Variants in ATP10B observed in about 807,000 individuals in gnomAD.
The protein encoded by ATP10B is ATPase phospholipid transporting 10B (putative).
ATP10B carries 122 observed loss-of-function variants against 141.2 expected under a neutral mutation model. The ratio of observed to expected loss-of-function variants is 0.86; its 90% CI spans 0.75 to 1.00. ATP10B has a LOEUF of 1.00. ATP10B is among the 50% of genes least tolerant of loss of function. The probability of loss-of-function intolerance (pLI) is 0.00; values close to 1 mark genes in which losing one functional copy is unlikely to be tolerated. For synonymous variants in ATP10B, 685 were observed against 692.0 expected, an observed-to-expected ratio of 0.99 and a Z score of 0.16; for missense variants, 1,876 against 1,825.3, an observed-to-expected ratio of 1.03 and a Z score of -0.51.
intron 2 of ATP10B, among the ~76,000 whole-genome samples, chr5:160,749,041 C>T (rs779150751): frequency 2.0e-5 from 3 of 152,180 alleles, no homozygotes; most frequent in Non-Finnish European, 4.4e-5. Flanking sequence ...AACACCACAA[C>T]CTAGTAAATG....
intron 6 of ATP10B, chr5:160,684,763 A>G: frequency 1.6e-6 from 1 of 616,528 alleles, no homozygotes; most frequent in Non-Finnish European, 2.9e-6. Flanking sequence ...TTCTACAAAC[A>G]GTAACTGCAG....
chr5:160,594,756 A>C (rs1756564229), intron 22 of ATP10B, among the ~76,000 whole-genome samples: 1 of 151,868 alleles, frequency 6.6e-6, no homozygotes, highest in Non-Finnish European at 1.5e-5. Flanking sequence ...CTGATAAAAC[A>C]GACTTTAAAC....
At chr5:160,913,750 T>C in the ATP10B span, among the ~76,000 whole-genome samples, 1 of 152,188 alleles carries the variant, frequency 6.6e-6, no homozygotes, top group African/African-American at 2.4e-5. Context: ...CTCGCACTGA[T>C]AACAATGAGT....
the ATP10B span, among the ~76,000 whole-genome samples, chr5:160,927,752 A>G: frequency 6.6e-6 from 1 of 152,222 alleles, no homozygotes; most frequent in Non-Finnish European, 1.5e-5. Flanking sequence ...CTCTACACTC[A>G]TGGGACTTTT....
chr5:160,922,210 T>C, the ATP10B span, among the ~76,000 whole-genome samples: 3 of 152,102 alleles, frequency 2.0e-5, no homozygotes, highest in African/African-American at 7.2e-5. Flanking sequence ...GGGCTCAGGA[T>C]TGGGAGTCCA....
At chr5:160,907,393 T>C in the ATP10B span, among the ~76,000 whole-genome samples, 1 of 151,958 alleles carries the variant, frequency 6.6e-6, no homozygotes, top group East Asian at 1.9e-4. Flanking sequence ...CAATTTTTTT[T>C]TGAGATAGGT....
At chr5:160,709,687 C>A (rs1313606774) in intron 3 of ATP10B, among the ~76,000 whole-genome samples, 2 of 135,548 alleles carry the variant, frequency 1.5e-5, no homozygotes, top group Non-Finnish European at 3.1e-5. Flanking sequence ...TATACATGTG[C>A]CATGCTGGTG....
Position 160,616,487 on chromosome 5 carries a change from T to C in ATP10B, c.2527-523A>G, listed in dbSNP as rs143791393. 1.3e-3 allele frequency among the ~76,000 whole-genome samples: 200 copies of C among 152,276 alleles called. 2 individuals carry two copies. Among genetic ancestry groups the C allele is most frequent in the African/African-American group, 4.6e-3 (190 of 41,558 alleles). On this transcript the variant is annotated intron_variant, in intron 16 of 25. Transcript: ENST00000327245. ...ATGAACTTGGCCTTCCTTCTGTTCC[T>C]TGAATGAAAGACGGAGAAAGTTCAG...
At chr5:160,823,014 A>ATATATATATATATG (rs1774277807) in intron 1 of ATP10B, among the ~76,000 whole-genome samples, 6 of 117,838 alleles carry the variant, frequency 5.1e-5, no homozygotes, top group Non-Finnish European at 1.1e-4. Flanking sequence ...ATATATATAT[A>ATATATATATATATG]TATATATATA....
chr5:160,865,958 G>A, the ATP10B span, among the ~76,000 whole-genome samples: 4 of 152,174 alleles, frequency 2.6e-5, no homozygotes, highest in South Asian at 4.1e-4. Flanking sequence ...CTTTTACACC[G>A]ATGGTGGGAA....
At chr5:160,784,887 A>C (rs1391550008) in intron 2 of ATP10B, among the ~76,000 whole-genome samples, 1 of 152,024 alleles carries the variant, frequency 6.6e-6, no homozygotes, top group Non-Finnish European at 1.5e-5. Flanking sequence ...CTTTCTAATA[A>C]GATTTTAGTT....
chr5:160,632,007 C>G (rs1341953043), intron 13 of ATP10B, 122 bp downstream of exon 13: 1 of 849,578 alleles, frequency 1.2e-6, no homozygotes, highest in Admixed American at 2.4e-5. Flanking sequence ...ATGTACAAAA[C>G]CAAGGGCACC....
At chr5:160,822,403 G>A (rs978916999) in intron 1 of ATP10B, among the ~76,000 whole-genome samples, 18 of 152,002 alleles carry the variant, frequency 1.2e-4, no homozygotes, top group Admixed American at 9.2e-4. Flanking sequence ...ACCCTTGTAC[G>A]CTGTTAGTGG....
chr5:160,690,302 A>C (rs1764002288), intron 3 of ATP10B, among the ~76,000 whole-genome samples: 1 of 152,220 alleles, frequency 6.6e-6, no homozygotes, highest in Non-Finnish European at 1.5e-5. Context: ...ATGGGCAAAG[A>C]CTTCATGACT....
chr5:160,765,602 T>C (rs1238647892), intron 2 of ATP10B, among the ~76,000 whole-genome samples: 1 of 152,152 alleles, frequency 6.6e-6, no homozygotes, highest in Non-Finnish European at 1.5e-5. Context: ...CTTGAAACCA[T>C]AAAAATTCTA....
intron 1 of ATP10B, among the ~76,000 whole-genome samples, chr5:160,826,933 A>C (rs1774650348): frequency 6.6e-6 from 1 of 152,146 alleles, no homozygotes; most frequent in African/African-American, 2.4e-5. Flanking sequence ...TTTTCTGTTA[A>C]GATGTTTATC....
chr5:160,626,272 T>C (rs7730932), intron 13 of ATP10B, among the ~76,000 whole-genome samples: 127,291 of 152,216 alleles, frequency 0.84, 53,533 homozygotes, highest in African/African-American at 0.92. Context: ...TTGTAGACCA[T>C]CTAAAATGCA....
At position 160,622,403 on chromosome 5, in the gene ATP10B, G is replaced by A. The variant is rs747263044; in HGVS notation, c.1803C>T (p.Pro601=). The A allele has an allele frequency of 7.4e-6, 12 of 1,612,502 alleles. No homozygotes were observed. The highest frequency in any genetic ancestry group is 1.0e-5 in the Non-Finnish European group (12 of 1,179,506). The change falls in exon 14 of 26, where the codon CCC becomes CCT. Residue 601 remains proline (P), a synonymous_variant. Transcript: ENST00000327245. The part of the protein sequence containing the change: ...NSVMVSTTTE[P]RQRVTIKPSS... ...CATCGCTGGTCCTTACCCTCTGCCTGGGCTCGGTGGTTGTGGACACCATGA... is the reference window on the plus strand; with the variant it reads ...CATCGCTGGTCCTTACCCTCTGCCTAGGCTCGGTGGTTGTGGACACCATGA...
chr5:160,815,070 GCAT>G (rs1561884273), intron 1 of ATP10B, among the ~76,000 whole-genome samples: 1 of 152,178 alleles, frequency 6.6e-6, no homozygotes, highest in African/African-American at 2.4e-5. Flanking sequence ...GGAAGAAACT[GCAT>G]CAACTAATGA....
Sources: allele counts gnomAD v4.1 joint callset (sites outside exome capture counted in the v4.1 genomes callset), GRCh38; gene constraint gnomAD v4.1.1; transcripts MANE v1.5; gene names NCBI Gene and HGNC (gene_info 2026-07-23, HGNC 2026-07-21).